Variants in CREBBP observed in about 807,000 individuals in gnomAD.
CREBBP encodes the protein CREB-binding protein.
CREBBP carries 19 observed loss-of-function variants against 265.0 expected under a neutral mutation model. The observed-to-expected ratio is 0.07, with a 90% CI of 0.05 to 0.11. The LOEUF (loss-of-function observed/expected upper bound fraction) is 0.11, where lower values mean the gene tolerates loss of function less well. Ranked by LOEUF, CREBBP falls within the 10% of genes least tolerant of loss-of-function variation. CREBBP has a pLI of 1.00. For synonymous variants in CREBBP, 1,457 were observed against 1,223.7 expected (o/e 1.19, Z -3.98); for missense variants, 2,525 against 3,219.0 (o/e 0.78, Z 5.22).
chr16:3,793,498 C>T lies in CREBBP; in HGVS notation c.1104G>A (p.Gln368=), dbSNP rs1022845611. ...LVLLLHAHKC[Q]RREQANGEVR... ...CCTCTCCGTTTGCTTGCTCTCGTCTCTGACACTTATGAGCATGAAGCAGTA... is the reference window on the plus strand; with the variant it reads ...CCTCTCCGTTTGCTTGCTCTCGTCTTTGACACTTATGAGCATGAAGCAGTA... The change falls in exon 4 of 31, where the codon CAG becomes CAA. Residue 368 remains glutamine (Q), a synonymous_variant. Transcript: ENST00000262367. 1 of 1,614,010 alleles carries T rather than the reference C, an allele frequency of 6.2e-7. No individual in the cohort carries two copies. The highest frequency in any genetic ancestry group is 8.5e-7 in the Non-Finnish European group (1 of 1,180,034).
intron 3 of CREBBP, among the ~76,000 whole-genome samples, chr16:3,808,557 C>A (rs1233329050): frequency 6.6e-6 from 1 of 152,240 alleles, no homozygotes; most frequent in African/African-American, 2.4e-5. Flanking sequence ...CAGTCCCGGG[C>A]AGAAACTGCC....
chr16:3,852,162 T>G (rs1160194291), intron 1 of CREBBP, among the ~76,000 whole-genome samples: 72 of 105,008 alleles, frequency 6.9e-4, no homozygotes, highest in African/African-American at 1.8e-3. Context: ...AATTTGTTTT[T>G]TTTTTTTTTT....
At chr16:3,833,202 G>A (rs970839369) in intron 2 of CREBBP, among the ~76,000 whole-genome samples, 17 of 152,180 alleles carry the variant, frequency 1.1e-4, no homozygotes, top group African/African-American at 3.4e-4. Flanking sequence ...CACCTGAGGT[G>A]AGGAGTTCGA....
At chr16:3,776,957 G>A (rs967293774) in intron 11 of CREBBP, among the ~76,000 whole-genome samples, 1 of 151,970 alleles carries the variant, frequency 6.6e-6, no homozygotes, top group African/African-American at 2.4e-5. Context: ...GGCGGAGCTT[G>A]CAGTGAGCCC....
intron 30 of CREBBP, among the ~76,000 whole-genome samples, chr16:3,730,722 G>C (rs764516605): frequency 9.8e-5 from 15 of 152,296 alleles, no homozygotes; most frequent in South Asian, 2.1e-4. Context: ...TGTCCTGGGA[G>C]GGGGATGGTG....
At chr16:3,800,376 C>T (rs982726507) in intron 3 of CREBBP, among the ~76,000 whole-genome samples, 13 of 152,166 alleles carry the variant, frequency 8.5e-5, no homozygotes, top group African/African-American at 2.4e-4. Context: ...GCCTTGGCCT[C>T]CCAAAGTGCT....
At chr16:3,743,691 C>T (rs896538433) in intron 23 of CREBBP, 4 of 151,880 alleles carry the variant, frequency 2.6e-5, no homozygotes, top group East Asian at 1.9e-4. Flanking sequence ...CAGCCTGGCG[C>T]GTCAAGCTGC....
intron 3 of CREBBP, among the ~76,000 whole-genome samples, chr16:3,808,415 C>T (rs2053874012): frequency 6.6e-6 from 1 of 152,232 alleles, no homozygotes; most frequent in Admixed American, 6.5e-5. Flanking sequence ...GCCAGGGATG[C>T]TGCCCAACAT....
chr16:3,817,038 T>C (rs569920624), intron 2 of CREBBP, among the ~76,000 whole-genome samples: 1 of 152,110 alleles, frequency 6.6e-6, no homozygotes, highest in African/African-American at 2.4e-5. Flanking sequence ...CAGCTACCAG[T>C]TGGAGTGGAC....
In CREBBP at chr16:3,745,370, G is replaced by T; in HGVS notation, c.3837-16C>A. On this transcript the variant is annotated splice_polypyrimidine_tract_variant and intron_variant, in intron 21 of 30. Transcript: ENST00000262367. The stretch of plus-strand genomic sequence containing the variant: ...ATCAACGAAACTAGGAGGCAAAGAA[G>T]GCGCACTGTTAAAGCACACGGAACC... 6.2e-7 allele frequency: 1 copy of T among 1,613,246 alleles called. No individual in the cohort carries two copies. Among genetic ancestry groups the T allele is most frequent in the Non-Finnish European group, 8.5e-7 (1 of 1,179,510 alleles).
chr16:3,810,515 T>A (rs1446943067), intron 3 of CREBBP, 88 bp downstream of exon 3: 2 of 1,479,846 alleles, frequency 1.4e-6, no homozygotes, highest in Non-Finnish European at 1.9e-6. Context: ...CACTTTTAGT[T>A]ATAGACTTTC....
intron 23 of CREBBP, chr16:3,741,021 G>A: frequency 4.0e-6 from 1 of 247,682 alleles, no homozygotes; most frequent in Non-Finnish European, 7.9e-6. Flanking sequence ...TCTGGCCAGA[G>A]CCTGTCCGGT....
intron 6 of CREBBP, 150 bp downstream of exon 6, chr16:3,782,534 G>A: frequency 9.7e-7 from 1 of 1,026,156 alleles, no homozygotes; most frequent in Non-Finnish European, 1.4e-6. Flanking sequence ...CCTTGCATCA[G>A]ATACTTCAGC....
rs2051900581 is a variant in CREBBP, at chr16:3,731,041, G to A, written c.5172+151C>T. 6 of 823,000 alleles carry A rather than the reference G, an allele frequency of 7.3e-6. No homozygotes were observed. The highest frequency in any genetic ancestry group is 3.6e-4 in the Middle Eastern group (1 of 2,750). The allele number at this position is 823,000 out of a possible 1,614,324, so 51.0% of individuals were successfully genotyped here. A position where few individuals can be genotyped will look rare whatever the true frequency, so the allele number is the denominator to read the frequency against. On this transcript the variant is annotated intron_variant, in intron 30 of 30. Coordinates refer to ENST00000262367, the MANE Select transcript of CREBBP (RefSeq NM_004380.3). This position sits in a 1 kb window ranked among gnomAD's most constrained non-coding sequence, Gnocchi z 7.7. ...GTTTAGGAAACACACACACAGCAAC[G>A]CCTTCTGCCTTGTGACGCTGTCCTA...
intron 5 of CREBBP, among the ~76,000 whole-genome samples, chr16:3,786,337 G>A (rs928683416): frequency 6.6e-6 from 1 of 152,144 alleles, no homozygotes; most frequent in Non-Finnish European, 1.5e-5. Context: ...CTACACTCCA[G>A]CCTGGGCAAC....
At chr16:3,746,227 G>A (rs2052338749) in intron 21 of CREBBP, among the ~76,000 whole-genome samples, 1 of 152,044 alleles carries the variant, frequency 6.6e-6, no homozygotes, top group South Asian at 2.1e-4. Context: ...GTGTGCCCCT[G>A]CCCTCGTCCC....
intron 3 of CREBBP, among the ~76,000 whole-genome samples, chr16:3,799,473 C>G (rs151071638): frequency 2.6e-5 from 4 of 152,324 alleles, no homozygotes; most frequent in East Asian, 3.9e-4. Flanking sequence ...CTCAAGTACT[C>G]TGGCAATTCG....
chr16:3,737,116 G>A, intron 26 of CREBBP: 2 of 493,616 alleles, frequency 4.1e-6, no homozygotes, highest in Admixed American at 6.5e-5. Context: ...GCTCATCAAG[G>A]CAATGCCATC....
At chr16:3,819,666 A>C (rs185530478) in intron 2 of CREBBP, among the ~76,000 whole-genome samples, 39 of 152,286 alleles carry the variant, frequency 2.6e-4, no homozygotes, top group Admixed American at 1.1e-3. Context: ...ATTATTTTCT[A>C]ATTGTCCTGG....
Sources: allele counts gnomAD v4.1 joint callset (sites outside exome capture counted in the v4.1 genomes callset), GRCh38; gene constraint gnomAD v4.1.1; non-coding constraint Gnocchi (gnomAD v3.1); transcripts MANE v1.5; gene names NCBI Gene and HGNC (gene_info 2026-07-23, HGNC 2026-07-21).